Variants in NEDD9 observed in about 807,000 individuals in gnomAD.
NEDD9 encodes neural precursor cell expressed, developmentally down-regulated 9, also known as enhancer of filamentation 1.
Under a neutral mutation model 76.6 loss-of-function variants are expected in NEDD9, and 26 were observed. The observed-to-expected ratio is 0.34, with a 90% confidence interval of 0.25 to 0.47. NEDD9 has a LOEUF of 0.47. Among genes scored for constraint, NEDD9 ranks in the 20% least tolerant of loss-of-function variants. The pLI is 1.00. For missense variants in NEDD9, 937 were observed against 1,058.5 expected (o/e 0.89, Z 1.59); for synonymous variants, 392 against 414.2 (o/e 0.95, Z 0.65).
At chr6:11,378,498 T>C (rs1321982669) in intron 1 of NEDD9, among the ~76,000 whole-genome samples, 3 of 152,152 alleles carry the variant, frequency 2.0e-5, no homozygotes, top group Admixed American at 6.5e-5. Flanking sequence ...CCAGTGGGCA[T>C]TGGGAGAGAA....
chr6:11,282,470 G>C (rs528728182), intron 3 of NEDD9, among the ~76,000 whole-genome samples: 2 of 152,270 alleles, frequency 1.3e-5, no homozygotes, highest in African/African-American at 4.8e-5. Flanking sequence ...CTGAAGCCCA[G>C]CTGTGTGTAT....
chr6:11,322,176 G>A (rs949522156), intron 2 of NEDD9, among the ~76,000 whole-genome samples: 1 of 152,126 alleles, frequency 6.6e-6, no homozygotes, highest in African/African-American at 2.4e-5. Flanking sequence ...GGGCCTGTTG[G>A]TGGGCCGGGG....
chr6:11,234,699 C>G (rs1759563038), upstream of NEDD9, among the ~76,000 whole-genome samples: 1 of 142,454 alleles, frequency 7.0e-6, no homozygotes, highest in Non-Finnish European at 1.5e-5. Flanking sequence ...GCTGGAACCT[C>G]AAAACATTTT....
chr6:11,211,898 GC>G, intron 2 of NEDD9, among the ~76,000 whole-genome samples: 1 of 152,316 alleles, frequency 6.6e-6, no homozygotes, highest in Non-Finnish European at 1.5e-5. Flanking sequence ...TGGTGACATG[GC>G]CAGGATGGGG....
intron 2 of NEDD9, among the ~76,000 whole-genome samples, chr6:11,319,539 CG>C (rs1459191602): frequency 2.4e-4 from 21 of 87,110 alleles, no homozygotes; most frequent in African/African-American, 1.0e-3. Flanking sequence ...CACTAACATG[CG>C]GACACACACT....
At chr6:11,215,943 G>A (rs1581962498) in intron 1 of NEDD9, among the ~76,000 whole-genome samples, 2 of 152,198 alleles carry the variant, frequency 1.3e-5, no homozygotes, top group Admixed American at 6.5e-5. Context: ...GTGGAGCACC[G>A]GAGCATGCTT....
At chr6:11,186,176 C>T (rs150564354) in intron 6 of NEDD9, among the ~76,000 whole-genome samples, 1 of 152,238 alleles carries the variant, frequency 6.6e-6, no homozygotes, top group East Asian at 1.9e-4. Flanking sequence ...TGACCCCTTT[C>T]TGTTTATCCT....
In NEDD9 at chr6:11,232,663, G is replaced by A; in HGVS notation, c.-148C>T. ...TTGTCAGTCGCAGCGCCTCCCTCAA[G>A]TCTCTGAGCTCACTGTTGTGACTGA... is the stretch of plus-strand genomic sequence containing the variant. On this transcript the variant is annotated 5_prime_UTR_variant, in exon 1 of 7. Transcript: ENST00000379446. The A allele has an allele frequency of 1.3e-6, 2 of 1,530,726 alleles. No homozygotes were observed. The highest frequency in any genetic ancestry group is 1.2e-5 in the South Asian group (1 of 81,382). 94.8% of individuals were successfully genotyped at this position (1,530,726 alleles called of 1,614,324 possible).
intron 2 of NEDD9, among the ~76,000 whole-genome samples, chr6:11,203,181 C>CT (rs1311364663): frequency 6.6e-6 from 1 of 152,198 alleles, no homozygotes; most frequent in Non-Finnish European, 1.5e-5. Context: ...TGGTTGAGGT[C>CT]TTTCTCAGAA....
intron 1 of NEDD9, among the ~76,000 whole-genome samples, chr6:11,334,905 T>G (rs1582036246): frequency 6.6e-6 from 1 of 152,338 alleles, no homozygotes; most frequent in East Asian, 1.9e-4. Flanking sequence ...CAAGAAGTTT[T>G]GCAAAGAGGA....
At chr6:11,355,946 C>G (rs558544815) in intron 1 of NEDD9, among the ~76,000 whole-genome samples, 47 of 152,274 alleles carry the variant, frequency 3.1e-4, no homozygotes, top group Middle Eastern at 6.8e-3. Context: ...TGGTCTCGAT[C>G]TCCTGACCTC....
At chr6:11,260,069 CT>C (rs1760078504) in intron 3 of NEDD9, among the ~76,000 whole-genome samples, 1 of 152,122 alleles carries the variant, frequency 6.6e-6, no homozygotes, top group Non-Finnish European at 1.5e-5. Context: ...TATAGCCTTT[CT>C]TTTAAAATAC....
intron 1 of NEDD9, among the ~76,000 whole-genome samples, chr6:11,354,765 G>A (rs1582045694): frequency 6.6e-6 from 1 of 152,188 alleles, no homozygotes; most frequent in East Asian, 1.9e-4. Flanking sequence ...GTATTCCATT[G>A]TCCTGGGGGC....
In NEDD9 at chr6:11,370,521, C is replaced by A. The variant is rs1762856681; in HGVS notation, c.-214+11618G>T. The stretch of plus-strand genomic sequence containing the variant: ...TCACCGACCCACTAGGTGCACAAGG[C>A]TCTCCTCAAGCCGCCTTTTCTTCCC... On this transcript the variant is annotated intron_variant, in intron 1 of 3. Transcript: ENST00000397378. This position sits in a 1 kb window ranked among gnomAD's most constrained non-coding sequence, Gnocchi z 4.2. 6.6e-6 allele frequency among the ~76,000 whole-genome samples: 1 copy of A among 152,208 alleles called. No individual in the cohort carries two copies. The highest frequency in any genetic ancestry group is 2.1e-4 in the South Asian group (1 of 4,834).
At chr6:11,231,028 T>C (rs1759455474) in intron 1 of NEDD9, among the ~76,000 whole-genome samples, 1 of 152,204 alleles carries the variant, frequency 6.6e-6, no homozygotes, top group Admixed American at 6.5e-5. Context: ...CCAGTTCTTA[T>C]TCAACAACAG....
chr6:11,223,399 A>G (rs1759202391), intron 1 of NEDD9, among the ~76,000 whole-genome samples: 1 of 152,154 alleles, frequency 6.6e-6, no homozygotes, highest in Admixed American at 6.5e-5. Flanking sequence ...AAATCAAAGC[A>G]CAGTTATTAT....
At chr6:11,214,421 C>A (rs1053634947) in intron 1 of NEDD9, among the ~76,000 whole-genome samples, 3 of 152,238 alleles carry the variant, frequency 2.0e-5, no homozygotes, top group African/African-American at 7.2e-5. Context: ...TCTTCTCTCT[C>A]GGTCTTTTAT....
chr6:11,327,627 C>T (rs939489790), intron 2 of NEDD9, among the ~76,000 whole-genome samples: 1 of 152,210 alleles, frequency 6.6e-6, no homozygotes, highest in Non-Finnish European at 1.5e-5. Context: ...GTGCCTCATG[C>T]TATAAAACAC....
intron 1 of NEDD9, among the ~76,000 whole-genome samples, chr6:11,349,876 G>A (rs1271476385): frequency 6.6e-6 from 1 of 152,046 alleles, no homozygotes; most frequent in African/African-American, 2.4e-5. Context: ...CATGACATGA[G>A]GTTACCTATG....
Sources: gnomAD v4.1 joint callset for allele counts (sites outside exome capture counted in the v4.1 genomes callset) on GRCh38, gnomAD v4.1.1 for gene constraint, Gnocchi (gnomAD v3.1) non-coding constraint, MANE v1.5 for transcripts, NCBI Gene and HGNC (gene_info 2026-07-23, HGNC 2026-07-21) for gene names.